The following HIVEP3 variants were observed in gnomAD, a reference collection of about 807,000 sequenced individuals.
HIVEP3 encodes the protein transcription factor HIVEP3.
A neutral mutation model predicts 152.8 loss-of-function variants in HIVEP3; 49 were observed. The ratio of observed to expected loss-of-function variants is 0.32; its 90% CI spans 0.26 to 0.41. The LOEUF (loss-of-function observed/expected upper bound fraction) is 0.41. HIVEP3 is among the 10% of genes least tolerant of loss of function. The pLI is 1.00. For synonymous variants in HIVEP3, 1,269 were observed against 1,289.0 expected, an observed-to-expected ratio of 0.98 and a Z score of 0.33; for missense variants, 2,790 against 3,103.3, an observed-to-expected ratio of 0.90 and a Z score of 2.40.
chr1:41,874,404 G>A (rs1644132450), intron 1 of HIVEP3, among the ~76,000 whole-genome samples: 1 of 152,188 alleles, frequency 6.6e-6, no homozygotes, highest in African/African-American at 2.4e-5. Flanking sequence ...ACATAAACCT[G>A]TCAAGAGAAA....
chr1:41,957,655 G>C (rs1321357406), intron 1 of HIVEP3, among the ~76,000 whole-genome samples: 4 of 152,196 alleles, frequency 2.6e-5, no homozygotes, highest in Non-Finnish European at 5.9e-5. Flanking sequence ...AACTCTAGTG[G>C]AGGAGGATGA....
At chr1:41,922,865 A>G (rs1219887727), upstream of HIVEP3, among the ~76,000 whole-genome samples, 4 of 152,140 alleles carry the variant, frequency 2.6e-5, no homozygotes, top group African/African-American at 9.7e-5. Context: ...AAAGAAAAGG[A>G]AAGAAAGAGA....
intron 5 of HIVEP3, among the ~76,000 whole-genome samples, chr1:41,527,206 ATGCT>A (rs2149055917): frequency 8.5e-5 from 7 of 82,810 alleles, no homozygotes; most frequent in South Asian, 4.3e-4. Context: ...ACTCCCACAC[ATGCT>A]CACCCTCACA....
At chr1:41,589,456 T>C (rs1316774936) in intron 3 of HIVEP3, among the ~76,000 whole-genome samples, 3 of 152,010 alleles carry the variant, frequency 2.0e-5, no homozygotes, top group African/African-American at 7.3e-5. Context: ...GAGTGGGAAG[T>C]AATGGAGGAG....
intron 1 of HIVEP3, among the ~76,000 whole-genome samples, chr1:41,797,011 G>A (rs758074393): frequency 1.3e-5 from 2 of 152,028 alleles, no homozygotes; most frequent in African/African-American, 2.4e-5. Context: ...TTTCCCTAGT[G>A]TGAGTGTGAT....
chr1:41,897,937 GGGAGA>G, intron 1 of HIVEP3, among the ~76,000 whole-genome samples: 1 of 104,944 alleles, frequency 9.5e-6, no homozygotes, highest in African/African-American at 4.0e-5. Flanking sequence ...CTGAGAGAGA[GGGAGA>G]GAGAGAGAGA....
intron 5 of HIVEP3, among the ~76,000 whole-genome samples, chr1:41,567,852 C>T (rs540440701): frequency 3.3e-5 from 5 of 152,366 alleles, no homozygotes; most frequent in African/African-American, 1.2e-4. Flanking sequence ...CTTCACCTTC[C>T]CCAGACCAAG....
At chr1:41,941,488 G>A (rs1645046046) in intron 1 of HIVEP3, among the ~76,000 whole-genome samples, 1 of 152,138 alleles carries the variant, frequency 6.6e-6, no homozygotes, top group African/African-American at 2.4e-5. Context: ...TGATAAATTT[G>A]GTGGTGGAAG....
intron 5 of HIVEP3, chr1:41,542,936 G>A (rs1311936244): frequency 1.3e-5 from 2 of 152,194 alleles, no homozygotes; most frequent in African/African-American, 4.8e-5. Flanking sequence ...CTAACTGTTA[G>A]GTTTCTATCG....
rs1645089613 is a variant in HIVEP3, at chr1:41,624,515, T to G, written c.-522+4234A>C. ...TTCACCGTTGAAATGTATCTTCAGT[T>G]AGGAAGAGTGGAGCTCTTCACTGGG... is the stretch of plus-strand genomic sequence containing the variant. On this transcript the variant is annotated intron_variant, in intron 3 of 8. Coordinates refer to ENST00000372583, the MANE Select transcript of HIVEP3 (RefSeq NM_024503.5). 2.0e-5 allele frequency among the ~76,000 whole-genome samples: 3 copies of G among 152,224 alleles called. No individual in the cohort carries two copies. The South Asian group carries it at 6.2e-4, about 32-fold the overall frequency.
chr1:41,577,802 C>T (rs1265634975), intron 4 of HIVEP3, among the ~76,000 whole-genome samples: 1 of 152,102 alleles, frequency 6.6e-6, no homozygotes, highest in Non-Finnish European at 1.5e-5. Flanking sequence ...ATGGTGAGTT[C>T]CTCTTGCTGG....
intron 2 of HIVEP3, among the ~76,000 whole-genome samples, chr1:41,636,174 A>C (rs10890152): frequency 6.6e-6 from 1 of 151,574 alleles, no homozygotes; most frequent in Non-Finnish European, 1.5e-5. Flanking sequence ...GTAACAAACA[A>C]ATCCGCAGGT....
intron 3 of HIVEP3, among the ~76,000 whole-genome samples, chr1:41,589,249 G>T (rs1313939954): frequency 2.0e-5 from 3 of 152,194 alleles, no homozygotes; most frequent in Non-Finnish European, 4.4e-5. Flanking sequence ...AGCCTCTACT[G>T]ATGGTCACAG....
intron 7 of HIVEP3, 126 bp from the exon 8 acceptor site, chr1:41,513,876 C>A (rs1642526264): frequency 4.2e-6 from 3 of 714,808 alleles, no homozygotes; most frequent in Non-Finnish European, 6.4e-6. Flanking sequence ...CGCAAGGGCA[C>A]AAGATTGTTG....
intron 3 of HIVEP3, among the ~76,000 whole-genome samples, chr1:41,601,046 T>C (rs1456212823): frequency 6.6e-6 from 1 of 152,210 alleles, no homozygotes; most frequent in African/African-American, 2.4e-5. Context: ...TTGGCACCCG[T>C]GTTGAAGATC....
At chr1:41,649,265 CAT>C (rs1433179848) in intron 2 of HIVEP3, among the ~76,000 whole-genome samples, 1 of 152,230 alleles carries the variant, frequency 6.6e-6, no homozygotes, top group African/African-American at 2.4e-5. Context: ...TGAGGTAACA[CAT>C]GTGGAAACAC....
chr1:42,033,420 G>C (rs1244876730), intron 1 of HIVEP3, among the ~76,000 whole-genome samples: 1 of 152,112 alleles, frequency 6.6e-6, no homozygotes, highest in African/African-American at 2.4e-5. Context: ...ACTCCCATGG[G>C]TAGCCACTGG....
intron 1 of HIVEP3, among the ~76,000 whole-genome samples, chr1:41,839,893 G>A (rs1449544275): frequency 6.6e-6 from 1 of 152,136 alleles, no homozygotes; most frequent in Non-Finnish European, 1.5e-5. Context: ...TTATTCTCAG[G>A]AGGGTTTAGA....
At chr1:41,729,762 A>C (rs71654205) in intron 1 of HIVEP3, among the ~76,000 whole-genome samples, 1 of 152,130 alleles carries the variant, frequency 6.6e-6, no homozygotes, top group Non-Finnish European at 1.5e-5. Flanking sequence ...AGTTACCTCC[A>C]ATTAACTCTA....
Sources: gnomAD v4.1 joint callset for allele counts (sites outside exome capture counted in the v4.1 genomes callset) on GRCh38, gnomAD v4.1.1 for gene constraint, MANE v1.5 for transcripts, NCBI Gene and HGNC (gene_info 2026-07-23, HGNC 2026-07-21) for gene names.